ABCC8: variants seen among roughly 807,000 people sequenced by gnomAD.
The protein encoded by ABCC8 is ATP-binding cassette sub-family C member 8.
Under a neutral mutation model 188.0 loss-of-function variants are expected in ABCC8, and 137 were observed. The observed-to-expected ratio is 0.73, with a 90% CI of 0.63 to 0.84. The LOEUF is 0.84. Among genes scored for constraint, ABCC8 ranks in the 40% least tolerant of loss-of-function variants. ABCC8 has a pLI of 0.00. For synonymous variants in ABCC8, 797 were observed against 846.5 expected, an observed-to-expected ratio of 0.94 and a Z score of 1.01; for missense variants, 1,750 against 2,072.7, an observed-to-expected ratio of 0.84 and a Z score of 3.02.
At chr11:17,392,689 G>GA, downstream of ABCC8, 1 of 429,942 alleles carries the variant, frequency 2.3e-6, no homozygotes, top group Non-Finnish European at 4.3e-6. Flanking sequence ...AGAACTGTGA[G>GA]AAAAAAGTCT....
chr11:17,397,529 C>T (rs950965738), intron 31 of ABCC8, 155 bp downstream of exon 31: 5 of 1,419,802 alleles, frequency 3.5e-6, no homozygotes, highest in Non-Finnish European at 3.8e-6. Flanking sequence ...GCCCTGGGGC[C>T]TGCTGGTCAG....
At chr11:17,395,418 G>A in intron 35 of ABCC8, 143 bp from the exon 36 acceptor site, 1 of 1,506,784 alleles carries the variant, frequency 6.6e-7, no homozygotes, top group Non-Finnish European at 8.9e-7. Flanking sequence ...GTGGGTGGGG[G>A]ACAGCATCTT....
chr11:17,445,588 G>A (rs1252865272), intron 8 of ABCC8, among the ~76,000 whole-genome samples: 3 of 152,366 alleles, frequency 2.0e-5, no homozygotes, highest in Middle Eastern at 3.4e-3. Flanking sequence ...TACGTGCCCT[G>A]TGGCTAACCA....
chr11:17,450,249 TTTCTTTCTTTC>T (rs1395005576), intron 7 of ABCC8, among the ~76,000 whole-genome samples: 1 of 52,318 alleles, frequency 1.9e-5, no homozygotes, highest in Non-Finnish European at 3.9e-5. Context: ...TTTCTTTTTC[TTTCTTTCTTTC>T]TCTTTCTTTC....
chr11:17,430,187 A>G (rs1955780227), intron 12 of ABCC8: 1 of 160,452 alleles, frequency 6.2e-6, no homozygotes, highest in Non-Finnish European at 1.4e-5. Context: ...TTTCCCAGCC[A>G]AAGCCTCAGC....
Position 17,460,646 on chromosome 11 carries a change from G to C in ABCC8, c.853C>G (p.Arg285Gly). The C allele has an allele frequency of 6.2e-7, 1 of 1,611,120 alleles. No individual in the cohort carries two copies. The highest frequency in any genetic ancestry group is 8.5e-7 in the Non-Finnish European group (1 of 1,180,022). ...TGGCTGAGTGCCTGCCAGATGGCCC[G>C]GGCACCTTGAGTGCCCTGAATGTCC... is the stretch of plus-strand genomic sequence containing the variant. ...RKDIQGTQGA[R>G]AIWQALSHAF... The change falls in exon 6 of 39, where the codon CGG becomes GGG. Residue 285 changes from arginine (R) to glycine (G), a missense_variant. Transcript: ENST00000389817.
chr11:17,432,448 G>T, intron 10 of ABCC8: 1 of 1,108,156 alleles, frequency 9.0e-7, no homozygotes, highest in Non-Finnish European at 1.3e-6. Flanking sequence ...CAGGTACCCC[G>T]GCCCCCGACT....
chr11:17,434,058 C>T (rs1271071845), intron 10 of ABCC8, among the ~76,000 whole-genome samples: 1 of 152,176 alleles, frequency 6.6e-6, no homozygotes, highest in African/African-American at 2.4e-5. Context: ...GGATGCCCAT[C>T]AGACCTAGGA....
intron 16 of ABCC8, among the ~76,000 whole-genome samples, chr11:17,426,552 T>C (rs751327289): frequency 3.0e-4 from 45 of 152,328 alleles, no homozygotes; most frequent in Non-Finnish European, 5.7e-4. Flanking sequence ...GAAACCAACA[T>C]TTATTGGTTA....
At position 17,476,660 on chromosome 11, in the gene ABCC8, T is replaced by C. The variant is rs750318681; in HGVS notation, c.117A>G (p.Leu39=). The part of the protein sequence containing the change: ...DALNVVPHVF[L]LFITFPILFI... ...AGAGGATGGGGAAGGTGATGAAGAG[T>C]AGGAAGACGTGCGGCACCACGTTGA... Residue 39 remains leucine (L), a synonymous_variant, in exon 1 of 39, where the codon CTA becomes CTG. Coordinates refer to ENST00000389817, the MANE Select transcript of ABCC8 (RefSeq NM_000352.6). 9.3e-6 allele frequency: 15 copies of C among 1,611,936 alleles called. No homozygotes were observed. Among genetic ancestry groups the C allele is most frequent in the Non-Finnish European group, 1.3e-5 (15 of 1,179,242 alleles).
At chr11:17,442,643 C>A (rs1956360570) in intron 10 of ABCC8, 77 bp downstream of exon 10, 5 of 1,467,050 alleles carry the variant, frequency 3.4e-6, no homozygotes, top group Non-Finnish European at 4.8e-6. Flanking sequence ...CCTGCACCCC[C>A]TCTTACCCGA....
At chr11:17,395,059 C>G in intron 36 of ABCC8, 113 bp downstream of exon 36, 4 of 1,373,252 alleles carry the variant, frequency 2.9e-6, no homozygotes, top group Non-Finnish European at 4.0e-6. Flanking sequence ...AATGGTCCTG[C>G]CAGGCTTCAG....
At position 17,448,354 on chromosome 11, in the gene ABCC8, A is replaced by C. The variant is rs1468540968; in HGVS notation, c.1332+162T>G. ...GGTCAGTGCTTGCAGAGTATGGGAC[A>C]GGAGGGACCCAGAGGTACAGCCTGT... On this transcript the variant is annotated intron_variant, in intron 8 of 38. Coordinates refer to ENST00000389817, the MANE Select transcript of ABCC8 (RefSeq NM_000352.6). The C allele has an allele frequency of 4.3e-6, 3 of 694,918 alleles. No individual in the cohort carries two copies. The African/African-American group carries it at 5.2e-5, about 12-fold the overall frequency. The allele number at this position is 694,918 out of a possible 1,614,324, so 43.0% of individuals were successfully genotyped here. A position where few individuals can be genotyped will look rare whatever the true frequency, so the allele number is the denominator to read the frequency against.
chr11:17,399,974 C>T (rs1445242437), intron 29 of ABCC8, among the ~76,000 whole-genome samples: 2 of 152,192 alleles, frequency 1.3e-5, no homozygotes, highest in Non-Finnish European at 2.9e-5. Context: ...GACGTAGGCC[C>T]GGCCCAGAGG....
rs1591890576 is a variant in ABCC8, at chr11:17,461,895, A to G, written c.580-70T>C. On this transcript the variant is annotated intron_variant, in intron 4 of 38. Transcript: ENST00000389817. ...CACCACTCCCTACCTTGCCCCAGCA[A>G]GGATCTGGGGTTGTGATATTCCACA... 1.7e-5 allele frequency: 28 copies of G among 1,604,810 alleles called. No homozygotes were observed. The East Asian group carries it at 6.0e-4, about 35-fold the overall frequency.
chr11:17,472,992 T>C (rs547124630), intron 2 of ABCC8, among the ~76,000 whole-genome samples: 3 of 152,302 alleles, frequency 2.0e-5, no homozygotes, highest in African/African-American at 7.2e-5. Context: ...CTCTTGCCTC[T>C]TTACTCCTTG....
chr11:17,431,176 C>T (rs1591805647), intron 11 of ABCC8: 1 of 706,364 alleles, frequency 1.4e-6, no homozygotes, highest in East Asian at 2.9e-5. Flanking sequence ...GGGGCTGCTC[C>T]CTCCCTGTCC....
At chr11:17,412,018 G>A (rs971929718) in intron 21 of ABCC8, among the ~76,000 whole-genome samples, 3 of 150,298 alleles carry the variant, frequency 2.0e-5, no homozygotes, top group Non-Finnish European at 3.0e-5. Flanking sequence ...TCAGCCTCCG[G>A]AGTAGCTGGG....
chr11:17,470,757 A>AT (rs1848435671), intron 2 of ABCC8, among the ~76,000 whole-genome samples: 1 of 152,146 alleles, frequency 6.6e-6, no homozygotes, highest in Non-Finnish European at 1.5e-5. Flanking sequence ...AAGGTCACTG[A>AT]TTTTGTCTCC....
Sources: gnomAD v4.1 joint callset for allele counts (sites outside exome capture counted in the v4.1 genomes callset) on GRCh38, gnomAD v4.1.1 for gene constraint, MANE v1.5 for transcripts, NCBI Gene and HGNC (gene_info 2026-07-23, HGNC 2026-07-21) for gene names.